BTBD9: variants seen among roughly 807,000 people sequenced by gnomAD.
BTBD9 encodes BTB domain containing 9.
A neutral mutation model predicts 64.3 loss-of-function variants in BTBD9; 49 were observed. The ratio of observed to expected loss-of-function variants is 0.76; its 90% CI spans 0.61 to 0.97. BTBD9 has a LOEUF of 0.97. Ranked by LOEUF, BTBD9 falls within the 50% of genes least tolerant of loss-of-function variation. The probability of loss-of-function intolerance (pLI) is 0.00; values close to 1 mark genes in which losing one functional copy is unlikely to be tolerated. For missense variants in BTBD9, 598 were observed against 762.1 expected, an observed-to-expected ratio of 0.78 and a Z score of 2.53; for synonymous variants, 260 against 274.7, an observed-to-expected ratio of 0.95 and a Z score of 0.53.
At chr6:38,310,757 C>T (rs1208141266) in intron 7 of BTBD9, among the ~76,000 whole-genome samples, 5 of 152,008 alleles carry the variant, frequency 3.3e-5, no homozygotes, top group Admixed American at 1.3e-4. Flanking sequence ...AGCATTTATT[C>T]TTTGTGTTAC....
At chr6:38,566,999 T>A (rs564338429) in intron 6 of BTBD9, among the ~76,000 whole-genome samples, 2 of 152,320 alleles carry the variant, frequency 1.3e-5, no homozygotes, top group African/African-American at 4.8e-5. Flanking sequence ...AGTTTTTCAT[T>A]ACTGTTGATT....
At chr6:38,312,151 A>G (rs1762863930) in intron 7 of BTBD9, among the ~76,000 whole-genome samples, 1 of 151,562 alleles carries the variant, frequency 6.6e-6, no homozygotes, top group Admixed American at 6.6e-5. Flanking sequence ...GTGAGCCACC[A>G]TGCCCGGCCA....
At chr6:38,361,525 A>G (rs1764958488) in intron 6 of BTBD9, among the ~76,000 whole-genome samples, 1 of 151,978 alleles carries the variant, frequency 6.6e-6, no homozygotes, top group Non-Finnish European at 1.5e-5. Context: ...CCTGGGTAAC[A>G]GAACGAGACC....
intron 7 of BTBD9, among the ~76,000 whole-genome samples, chr6:38,332,583 C>G (rs1353663231): frequency 6.6e-6 from 1 of 151,942 alleles, no homozygotes; most frequent in Non-Finnish European, 1.5e-5. Context: ...ACCCCTCATT[C>G]ATTTTTTATT....
At chr6:38,243,483 A>C (rs563678715) in intron 9 of BTBD9, among the ~76,000 whole-genome samples, 111 of 152,322 alleles carry the variant, frequency 7.3e-4, no homozygotes, top group Admixed American at 2.0e-3. Flanking sequence ...TATTGAGGGA[A>C]ACTCACTAGA....
At chr6:38,544,927 CAAAAAAAAAAA>C (rs58694810) in intron 6 of BTBD9, among the ~76,000 whole-genome samples, 17 of 48,298 alleles carry the variant, frequency 3.5e-4, no homozygotes, top group South Asian at 2.2e-3. Flanking sequence ...AACTACATCT[CAAAAAAAAAAA>C]AAAAAAAAAA....
At chr6:38,287,306 T>C (rs981433074) in intron 8 of BTBD9, among the ~76,000 whole-genome samples, 8 of 149,232 alleles carry the variant, frequency 5.4e-5, no homozygotes, top group African/African-American at 2.0e-4. Flanking sequence ...ATTTTTTATG[T>C]TCTTCTTTTT....
At chr6:38,180,546 C>G (rs1300773251) in intron 10 of BTBD9, among the ~76,000 whole-genome samples, 3 of 103,244 alleles carry the variant, frequency 2.9e-5, no homozygotes, top group Non-Finnish European at 6.7e-5. Context: ...GGTGGAACAG[C>G]CAAGTCCTGA....
chr6:38,581,935 G>T (rs924751734), intron 4 of BTBD9, among the ~76,000 whole-genome samples: 5 of 152,188 alleles, frequency 3.3e-5, no homozygotes, highest in African/African-American at 1.2e-4. Flanking sequence ...TTTACAGACT[G>T]TAAAAAAATA....
intron 1 of BTBD9, chr6:38,612,960 T>C (rs1034992323): frequency 2.6e-5 from 4 of 152,220 alleles, no homozygotes; most frequent in African/African-American, 9.6e-5. Flanking sequence ...GGAGCTGCAA[T>C]GGCCACAGTG....
chr6:38,231,857 T>C (rs1252588412), intron 9 of BTBD9, among the ~76,000 whole-genome samples: 1 of 152,252 alleles, frequency 6.6e-6, no homozygotes, highest in Non-Finnish European at 1.5e-5. Flanking sequence ...ATCTTTCCAT[T>C]TGAACACATA....
chr6:38,399,632 C>T (rs1766837301), intron 6 of BTBD9, among the ~76,000 whole-genome samples: 1 of 121,156 alleles, frequency 8.3e-6, no homozygotes, highest in South Asian at 3.0e-4. Context: ...GTAAAACAAC[C>T]TAGATTTTTT....
chr6:38,192,667 G>A (rs1209647762), intron 9 of BTBD9, 70 bp from the exon 10 acceptor site: 17 of 1,400,142 alleles, frequency 1.2e-5, no homozygotes, highest in Non-Finnish European at 1.6e-5. Context: ...GGCCGATGGA[G>A]TCATGTCCAC....
chr6:38,484,594 C>G (rs567131419), intron 6 of BTBD9, among the ~76,000 whole-genome samples: 1 of 152,150 alleles, frequency 6.6e-6, no homozygotes, highest in Non-Finnish European at 1.5e-5. Flanking sequence ...ACAGGGATAG[C>G]TGGGAGATGT....
chr6:38,421,069 G>GTTTTACAAAACAGT (rs142540333), intron 6 of BTBD9, among the ~76,000 whole-genome samples: 1 of 151,744 alleles, frequency 6.6e-6, no homozygotes, highest in Non-Finnish European at 1.5e-5. Flanking sequence ...TAATAAAAAT[G>GTTTTACAAAACAGT]TATAGGGCTG....
chr6:38,594,163 G>A lies in BTBD9; in HGVS notation c.350C>T (p.Ala117Val), dbSNP rs753983179. 6.2e-7 allele frequency: 1 copy of A among 1,614,162 alleles called. No homozygotes were observed. Among genetic ancestry groups the A allele is most frequent in the Admixed American group, 1.7e-5 (1 of 60,034 alleles). Residue 117 changes from alanine to valine, a missense_variant, in exon 3 of 11, where the codon GCT becomes GTT. By Grantham distance (64) the Ala-to-Val change is moderately conservative. Transcript: ENST00000481247. ...TAGCTCTGGAAATCCATATTTATGA[G>A]CCAGGCTCAAAAAGTCCAGCAGCAC... The part of the protein sequence containing the change: ...EEVLLDFLSL[A>V]HKYGFPELED...
At chr6:38,469,642 G>GT (rs1770551457) in intron 6 of BTBD9, among the ~76,000 whole-genome samples, 1 of 152,118 alleles carries the variant, frequency 6.6e-6, no homozygotes, top group Admixed American at 6.6e-5. Context: ...AAAATACCCT[G>GT]TATGATTCAT....
chr6:38,217,692 CTTT>C (rs796145470), intron 9 of BTBD9, among the ~76,000 whole-genome samples: 47 of 75,478 alleles, frequency 6.2e-4, no homozygotes, highest in South Asian at 8.4e-4. Flanking sequence ...TTATTTTTTT[CTTT>C]TTTCTTTTTT....
intron 7 of BTBD9, among the ~76,000 whole-genome samples, chr6:38,290,634 T>C (rs1239683438): frequency 6.6e-6 from 1 of 152,202 alleles, no homozygotes. Flanking sequence ...CATACTGACA[T>C]GTGCTTCCCC....
Sources: allele counts gnomAD v4.1 joint callset (sites outside exome capture counted in the v4.1 genomes callset), GRCh38; gene constraint gnomAD v4.1.1; transcripts MANE v1.5; gene names NCBI Gene and HGNC (gene_info 2026-07-23, HGNC 2026-07-21).